Variants in SH3BGRL2 observed in about 807,000 individuals in gnomAD.
SH3BGRL2 encodes the protein SH3 domain-binding glutamic acid-rich-like protein 2.
A neutral mutation model predicts 14.8 loss-of-function variants in SH3BGRL2; 21 were observed. The observed-to-expected ratio is 1.42, with a 90% CI of 1.01 to 2.05. SH3BGRL2 has a LOEUF of 2.05. Among genes scored for constraint, SH3BGRL2 ranks in the 30% most tolerant of loss-of-function variants. The pLI is 0.00. For missense variants in SH3BGRL2, 147 were observed against 130.8 expected, an observed-to-expected ratio of 1.12 and a Z score of -0.61; for synonymous variants, 50 against 47.8, an observed-to-expected ratio of 1.05 and a Z score of -0.19.
chr6:79,615,403 T>C, the SH3BGRL2 span, among the ~76,000 whole-genome samples: 1 of 152,212 alleles, frequency 6.6e-6, no homozygotes, highest in African/African-American at 2.4e-5. Flanking sequence ...AAGCCTCTTC[T>C]GCGCAGGGTA....
Position 79,699,527 on chromosome 6 carries a change from T to G in SH3BGRL2, c.*18T>G. On this transcript the variant is annotated 3_prime_UTR_variant, in exon 4 of 4. Transcript: ENST00000369838. ...AACCTTAGAGAAGAAGAGTGGAAGA[T>G]GACGGAGATGCATTTTGAAGCACCC... is the stretch of plus-strand genomic sequence containing the variant. 4 of 1,508,202 alleles carry G rather than the reference T, an allele frequency of 2.7e-6. No homozygotes were observed. 93.4% of individuals were successfully genotyped at this position (1,508,202 alleles called of 1,614,324 possible).
At chr6:79,613,610 C>CT in the SH3BGRL2 span, among the ~76,000 whole-genome samples, 17 of 151,314 alleles carry the variant, frequency 1.1e-4, no homozygotes, top group African/African-American at 2.9e-4. Flanking sequence ...AAAAGGAACT[C>CT]TTTTTTTTTC....
At chr6:79,663,717 G>A (rs1220452123) in intron 1 of SH3BGRL2, among the ~76,000 whole-genome samples, 3 of 152,238 alleles carry the variant, frequency 2.0e-5, no homozygotes, top group East Asian at 1.9e-4. Context: ...AGACAGGGAC[G>A]TTTAAGTCTG....
chr6:79,661,727 G>A (rs981625575), intron 1 of SH3BGRL2, among the ~76,000 whole-genome samples: 3 of 152,150 alleles, frequency 2.0e-5, no homozygotes, highest in African/African-American at 7.2e-5. Context: ...TTCTGACAGT[G>A]GAGTGTTAAA....
At chr6:79,652,010 T>C (rs1044300285) in intron 1 of SH3BGRL2, among the ~76,000 whole-genome samples, 3 of 152,168 alleles carry the variant, frequency 2.0e-5, no homozygotes, top group Admixed American at 2.0e-4. Flanking sequence ...TTCCCTCAGC[T>C]GTGACCACCA....
the SH3BGRL2 span, among the ~76,000 whole-genome samples, chr6:79,598,067 A>G: frequency 8.5e-5 from 13 of 152,218 alleles, no homozygotes; most frequent in Non-Finnish European, 1.6e-4. Flanking sequence ...ATCACTTCAC[A>G]TGGAATTACT....
Position 79,662,301 on chromosome 6 carries a change from G to A in SH3BGRL2, c.46-11313G>A, listed in dbSNP as rs62411073. ...GCTGGTACCAGTTGTTCCTTTCCAT[G>A]TTTAGTGCTTCCTTTAGGAGCTCTT... On this transcript the variant is annotated intron_variant, in intron 1 of 3. Transcript: ENST00000369838. 3.3e-3 allele frequency among the ~76,000 whole-genome samples: 502 copies of A among 152,254 alleles called. 2 individuals carry two copies. Among genetic ancestry groups the A allele is most frequent in the Middle Eastern group, 0.014 (4 of 294 alleles).
In SH3BGRL2 at chr6:79,639,889, G is replaced by A. The variant is rs567508576; in HGVS notation, c.45+8383G>A. Among the ~76,000 whole-genome samples the A allele has an allele frequency of 1.3e-4, 20 of 152,044 alleles. No homozygotes were observed. The South Asian group carries it at 2.5e-3, about 19-fold the overall frequency. ...TGATTTTATTTTATACTGTTTATCC[G>A]TGATGCAAAAAAAGAGGTTAGCCTT... is the stretch of plus-strand genomic sequence containing the variant. On this transcript the variant is annotated intron_variant, in intron 1 of 3. Transcript: ENST00000369838.
chr6:79,544,261 G>C, the SH3BGRL2 span, among the ~76,000 whole-genome samples: 27 of 152,134 alleles, frequency 1.8e-4, no homozygotes, highest in African/African-American at 5.8e-4. Flanking sequence ...TCTAGAGCAA[G>C]CCAATGGAGT....
chr6:79,547,630 G>A, the SH3BGRL2 span, among the ~76,000 whole-genome samples: 9 of 152,182 alleles, frequency 5.9e-5, no homozygotes, highest in Admixed American at 5.2e-4. Context: ...ACTGTGTGGC[G>A]GAAGGAAAAG....
At chr6:79,621,969 A>G in the SH3BGRL2 span, among the ~76,000 whole-genome samples, 44 of 152,198 alleles carry the variant, frequency 2.9e-4, no homozygotes, top group African/African-American at 9.6e-4. Flanking sequence ...CCTTGCAACC[A>G]TGAGGTGGTA....
At chr6:79,631,637 A>C in intron 1 of SH3BGRL2, 131 bp downstream of exon 1, 1 of 620,866 alleles carries the variant, frequency 1.6e-6, no homozygotes, top group Non-Finnish European at 2.3e-6. Context: ...CCGGCAGGTG[A>C]TCCATCACAC....
the SH3BGRL2 span, among the ~76,000 whole-genome samples, chr6:79,549,036 G>A: frequency 2.0e-5 from 3 of 152,116 alleles, no homozygotes; most frequent in Admixed American, 6.5e-5. Flanking sequence ...GAAATTATTC[G>A]TAGTGTCACC....
intron 1 of SH3BGRL2, among the ~76,000 whole-genome samples, chr6:79,654,289 C>T (rs965057168): frequency 6.6e-6 from 1 of 152,158 alleles, no homozygotes; most frequent in Non-Finnish European, 1.5e-5. Context: ...TTTGGTGTGG[C>T]ATTACCACAC....
chr6:79,642,696 G>A (rs937506628), intron 1 of SH3BGRL2, among the ~76,000 whole-genome samples: 2 of 152,180 alleles, frequency 1.3e-5, no homozygotes, highest in Admixed American at 1.3e-4. Flanking sequence ...TACAGAATAT[G>A]TTGAGTCTGT....
the SH3BGRL2 span, among the ~76,000 whole-genome samples, chr6:79,615,045 C>T: frequency 1.9e-5 from 2 of 107,132 alleles, no homozygotes; most frequent in Non-Finnish European, 4.4e-5. Flanking sequence ...CCTGCATAAG[C>T]GACTGATAAG....
chr6:79,632,460 A>G (rs1369848173), intron 1 of SH3BGRL2, among the ~76,000 whole-genome samples: 1 of 152,210 alleles, frequency 6.6e-6, no homozygotes, highest in Non-Finnish European at 1.5e-5. Context: ...ATCAAGTAAC[A>G]TCAAAAAGTG....
chr6:79,683,601 A>C (rs1372781360), intron 2 of SH3BGRL2, among the ~76,000 whole-genome samples: 1 of 151,978 alleles, frequency 6.6e-6, no homozygotes, highest in Non-Finnish European at 1.5e-5. Flanking sequence ...GGCGCATGCC[A>C]CCATGCCTGG....
intron 2 of SH3BGRL2, among the ~76,000 whole-genome samples, chr6:79,684,311 G>C (rs1770050609): frequency 6.6e-6 from 1 of 151,848 alleles, no homozygotes; most frequent in East Asian, 1.9e-4. Context: ...CTAGGACTCT[G>C]GTTATTACTT....
Sources: gnomAD v4.1 joint callset for allele counts (sites outside exome capture counted in the v4.1 genomes callset) on GRCh38, gnomAD v4.1.1 for gene constraint, MANE v1.5 for transcripts, NCBI Gene and HGNC (gene_info 2026-07-23, HGNC 2026-07-21) for gene names.